CTCFL: variants seen among roughly 807,000 people sequenced by gnomAD.
CTCFL encodes the protein transcriptional repressor CTCFL.
CTCFL carries 36 observed loss-of-function variants against 67.4 expected under a neutral mutation model. The ratio of observed to expected loss-of-function variants is 0.53; its 90% confidence interval spans 0.41 to 0.71. The LOEUF (loss-of-function observed/expected upper bound fraction) is 0.71, where lower values mean the gene tolerates loss of function less well. Ranked by LOEUF, CTCFL falls within the 30% of genes least tolerant of loss-of-function variation. The pLI, the probability that CTCFL is intolerant of heterozygous loss-of-function variation, is 0.00. For synonymous variants in CTCFL, 324 were observed against 302.3 expected (o/e 1.07, Z -0.75); for missense variants, 786 against 835.2 (o/e 0.94, Z 0.73).
intron 8 of CTCFL, among the ~76,000 whole-genome samples, chr20:57,509,819 C>T (rs1301558356): frequency 6.6e-6 from 1 of 152,190 alleles, no homozygotes; most frequent in Non-Finnish European, 1.5e-5. Flanking sequence ...TTTGGGACAG[C>T]ATCTCTGGCG....
intron 3 of CTCFL, among the ~76,000 whole-genome samples, chr20:57,522,688 G>A (rs932557600): frequency 6.6e-6 from 1 of 152,074 alleles, no homozygotes; most frequent in Non-Finnish European, 1.5e-5. Context: ...CACCCTCTAC[G>A]GCTTCCTGAA....
chr20:57,518,725 G>A, intron 5 of CTCFL, 33 bp downstream of exon 5: 1 of 1,614,032 alleles, frequency 6.2e-7, no homozygotes, highest in Non-Finnish European at 8.5e-7. Flanking sequence ...CTACTAAGAT[G>A]CCATGAAGCT....
Position 57,523,895 on chromosome 20 carries a change from T to C in CTCFL, c.311A>G (p.Gln104Arg). 1 of 1,613,190 alleles carries C rather than the reference T, an allele frequency of 6.2e-7. No individual in the cohort carries two copies. Among genetic ancestry groups the C allele is most frequent in the South Asian group, 1.1e-5 (1 of 91,088 alleles). Residue 104 changes from glutamine to arginine, a missense_variant, in exon 2 of 11, where the codon CAG becomes CGG. Around this residue, in one of 3 missense-constraint regions of CTCFL, gnomAD observed 333 missense variants for 304.6 expected, o/e 1.09. Coordinates refer to ENST00000243914, the MANE Select transcript of CTCFL (RefSeq NM_001386993.1). The part of the protein sequence containing the change: ...LQDMSLLSIQ[Q>R]QEGVQVVVQQ... ...CACCACCACCTGCACCCCTTCTTGC[T>C]GCTGTATGCTCAGCAAGCTCATATC...
intron 7 of CTCFL, chr20:57,513,544 G>T (rs552833476): frequency 9.1e-7 from 1 of 1,096,814 alleles, no homozygotes; most frequent in Non-Finnish European, 1.1e-6. Context: ...GCATGAGATG[G>T]ATATAAACCA....
chr20:57,503,301 G>A (rs1011921013), intron 10 of CTCFL, 135 bp downstream of exon 10: 17 of 1,009,794 alleles, frequency 1.7e-5, no homozygotes, highest in Non-Finnish European at 2.5e-5. Context: ...TCTGGCACAA[G>A]CCACCTTGCA....
downstream of CTCFL, among the ~76,000 whole-genome samples, chr20:57,497,010 T>C (rs2067731909): frequency 5.8e-5 from 1 of 17,384 alleles, no homozygotes; most frequent in African/African-American, 6.3e-4. Context: ...TATTTCCATT[T>C]TTTTTTTTTT....
chr20:57,523,795 A>G lies in CTCFL; in HGVS notation c.411T>C (p.Ser137=), dbSNP rs140944128. The part of the protein sequence containing the change: ...RQSLQQCVAI[S]IQQELYSPQE... Reference sequence around the variant, plus strand: ...GCGGGGAGTACAGCTCTTGCTGGATACTAATGGCCACACACTGCTGCAGGC... The same window carrying G: ...GCGGGGAGTACAGCTCTTGCTGGATGCTAATGGCCACACACTGCTGCAGGC... Residue 137 remains serine, a synonymous_variant, in exon 2 of 11, where the codon AGT becomes AGC. Coordinates refer to ENST00000243914, the MANE Select transcript of CTCFL (RefSeq NM_001386993.1). 2.7e-5 allele frequency: 43 copies of G among 1,613,228 alleles called. No individual in the cohort carries two copies. The highest frequency in any genetic ancestry group is 3.5e-5 in the Non-Finnish European group (41 of 1,180,042).
intron 7 of CTCFL, chr20:57,513,473 AG>A (rs1167942439): frequency 1.0e-6 from 1 of 995,226 alleles, no homozygotes; most frequent in Non-Finnish European, 1.2e-6. Flanking sequence ...AGTCATGGGA[AG>A]GAAGAATTAA....
chr20:57,499,274 C>T (rs1445579395), intron 10 of CTCFL, among the ~76,000 whole-genome samples: 1 of 152,172 alleles, frequency 6.6e-6, no homozygotes, highest in Non-Finnish European at 1.5e-5. Context: ...ACATTTGTCC[C>T]TTTGGCCAAT....
intron 2 of CTCFL, 40 bp downstream of exon 2, chr20:57,523,617 TTTTTTC>T (rs2146470873): frequency 1.3e-6 from 2 of 1,566,156 alleles, no homozygotes; most frequent in Non-Finnish European, 1.7e-6. Flanking sequence ...CCGACTTGAA[TTTTTTC>T]TTTTTCATGT....
rs771356359 is a variant in CTCFL, at chr20:57,498,516, A to T, written c.*34T>A. The T allele has an allele frequency of 1.3e-6, 2 of 1,597,982 alleles. No individual in the cohort carries two copies. The highest frequency in any genetic ancestry group is 4.5e-5 in the East Asian group (2 of 44,464). On this transcript the variant is annotated 3_prime_UTR_variant, in exon 11 of 11. Coordinates refer to ENST00000243914, the MANE Select transcript of CTCFL (RefSeq NM_001386993.1). ...TAAAAACTTCTAACTTGCTTTAGGA[A>T]TTGGGGGCAGTGAACACGCAACCCG...
At position 57,512,484 on chromosome 20, in the gene CTCFL, T is replaced by C. The variant is rs896165804; in HGVS notation, c.1491+108A>G. 9 of 1,103,356 alleles carry C rather than the reference T, an allele frequency of 8.2e-6. No individual in the cohort carries two copies. The Admixed American group carries it at 2.0e-4, about 24-fold the overall frequency. 68.3% of individuals were successfully genotyped at this position (1,103,356 alleles called of 1,614,324 possible). A position where few individuals can be genotyped will look rare whatever the true frequency, so the allele number is the denominator to read the frequency against. On this transcript the variant is annotated intron_variant, in intron 8 of 10. Coordinates refer to ENST00000243914, the MANE Select transcript of CTCFL (RefSeq NM_001386993.1). ...TCTGGTTATTCTGAATAGGCTACTC[T>C]ATTAAAAGCATGACTTTTCTCAGTA...
chr20:57,514,868 C>T, intron 6 of CTCFL, 127 bp from the exon 7 acceptor site: 1 of 949,594 alleles, frequency 1.1e-6, no homozygotes, highest in Non-Finnish European at 1.6e-6. Flanking sequence ...CCGGACAACC[C>T]CCAATTAGTA....
chr20:57,525,424 G>C (rs1318553847), upstream of CTCFL: 1 of 148,528 alleles, frequency 6.7e-6, no homozygotes, highest in Non-Finnish European at 1.5e-5. Context: ...ACTGGGTAGT[G>C]GGGGAGCGCC....
chr20:57,497,041 C>A (rs955901503), downstream of CTCFL: 4 of 157,730 alleles, frequency 2.5e-5, no homozygotes, highest in African/African-American at 5.0e-5. Context: ...AACTGCCATA[C>A]TGCTTTCCCC....
chr20:57,501,265 T>C (rs1398461302), intron 10 of CTCFL, among the ~76,000 whole-genome samples: 1 of 152,070 alleles, frequency 6.6e-6, no homozygotes, highest in Admixed American at 6.5e-5. Flanking sequence ...AAGCGTGAAG[T>C]GTGCAGGAGG....
At chr20:57,506,471 T>C (rs139048179) in intron 9 of CTCFL, among the ~76,000 whole-genome samples, 890 of 152,244 alleles carry the variant, frequency 5.8e-3, no homozygotes, top group Non-Finnish European at 9.4e-3. Flanking sequence ...GCCCAGCTAA[T>C]TTTTGTATTT....
Position 57,523,168 on chromosome 20 carries a change from T to C in CTCFL, c.654A>G (p.Thr218=), listed in dbSNP as rs770298201. ...GDERSDEIVL[T]VSNSNVEEQE... Reference sequence around the variant, plus strand: ...GTTCTTCCACATTTGAATTTGAAACTGTGAGAACAATTTCGTCACTTCTTT... The same window carrying C: ...GTTCTTCCACATTTGAATTTGAAACCGTGAGAACAATTTCGTCACTTCTTT... The change falls in exon 3 of 11, where the codon ACA becomes ACG. Residue 218 remains threonine, a synonymous_variant. Transcript: ENST00000243914. The C allele has an allele frequency of 3.7e-6, 6 of 1,614,094 alleles. No homozygotes were observed. The highest frequency in any genetic ancestry group is 5.1e-6 in the Non-Finnish European group (6 of 1,180,028).
In CTCFL at chr20:57,512,587, A is replaced by C. The variant is rs756671492; in HGVS notation, c.1491+5T>G. 1 of 1,614,016 alleles carries C rather than the reference A, an allele frequency of 6.2e-7. No homozygotes were observed. On this transcript the variant is annotated splice_donor_5th_base_variant and intron_variant, in intron 8 of 10. Transcript: ENST00000243914. ...TGCCTCTCCAAATTAAGTAAAGTACAATACCTGCTTGCAGGCATAACTGCA... is the reference window on the plus strand; with the variant it reads ...TGCCTCTCCAAATTAAGTAAAGTACCATACCTGCTTGCAGGCATAACTGCA...
Sources: allele counts gnomAD v4.1 joint callset (sites outside exome capture counted in the v4.1 genomes callset), GRCh38; gene constraint gnomAD v4.1.1; regional missense constraint gnomAD v4.1.1; transcripts MANE v1.5; gene names NCBI Gene and HGNC (gene_info 2026-07-23, HGNC 2026-07-21).